Variants in SGSM2 observed in about 807,000 individuals in gnomAD.
SGSM2 encodes the protein RUN and TBC1 domain containing 1.
Under a neutral mutation model 126.6 loss-of-function variants are expected in SGSM2, and 89 were observed. The ratio of observed to expected loss-of-function variants is 0.70; its 90% CI spans 0.59 to 0.84. The LOEUF (loss-of-function observed/expected upper bound fraction) is 0.84, where lower values mean the gene tolerates loss of function less well. Ranked by LOEUF, SGSM2 falls within the 40% of genes least tolerant of loss-of-function variation. The probability of loss-of-function intolerance (pLI) is 0.00; values close to 1 mark genes in which losing one functional copy is unlikely to be tolerated. For missense variants in SGSM2, 1,404 were observed against 1,416.6 expected (o/e 0.99, Z 0.14); for synonymous variants, 614 against 574.3 (o/e 1.07, Z -0.99).
rs758060234 is a variant in SGSM2, at chr17:2,373,008, AGATCCGCAAG to A, written c.1847_1856del (p.Ile616ThrfsTer14). On this transcript the variant is annotated frameshift_variant, in exon 16 of 24. Coordinates refer to ENST00000268989, the MANE Select transcript of SGSM2 (RefSeq NM_014853.3). LOFTEE classifies it high-confidence loss of function. ...GTTTACTACGGAGGCATAGAGCACGAGATCCGCAAGGACGTCTGGCCCTTTCTGCTTGGCC... is the reference window on the plus strand; with the variant it reads ...GTTTACTACGGAGGCATAGAGCACGAGACGTCTGGCCCTTTCTGCTTGGCC... The A allele has an allele frequency of 6.3e-7, 1 of 1,598,468 alleles. No homozygotes were observed. The highest frequency in any genetic ancestry group is 1.1e-5 in the South Asian group (1 of 88,534).
chr17:2,368,819 G>A (rs1171661699), intron 12 of SGSM2, among the ~76,000 whole-genome samples: 1 of 152,236 alleles, frequency 6.6e-6, no homozygotes, highest in Non-Finnish European at 1.5e-5. Flanking sequence ...ACTGAGCAGT[G>A]TGGGAAGGTT....
In SGSM2 at chr17:2,364,592, C is replaced by G; in HGVS notation, c.933-4C>G. The G allele has an allele frequency of 6.2e-7, 1 of 1,614,156 alleles. No homozygotes were observed. Among genetic ancestry groups the G allele is most frequent in the Non-Finnish European group, 8.5e-7 (1 of 1,179,982 alleles). The stretch of plus-strand genomic sequence containing the variant: ...ACAGTGACAGCAGTCTGGTTCCTTT[C>G]TAGCGTTTACTGGGACTATGCCCTC... On this transcript the variant is annotated splice_region_variant and splice_polypyrimidine_tract_variant and intron_variant, in intron 8 of 23. Coordinates refer to ENST00000268989, the MANE Select transcript of SGSM2 (RefSeq NM_014853.3).
intron 2 of SGSM2, among the ~76,000 whole-genome samples, chr17:2,348,924 C>T (rs533568630): frequency 5.9e-5 from 9 of 152,090 alleles, no homozygotes; most frequent in South Asian, 2.1e-4. Context: ...CCACCACACT[C>T]GGCTACTTTT....
At chr17:2,366,063 T>C (rs926976818) in intron 11 of SGSM2, among the ~76,000 whole-genome samples, 1 of 152,064 alleles carries the variant, frequency 6.6e-6, no homozygotes, top group East Asian at 1.9e-4. Flanking sequence ...TTTTGGATGG[T>C]GAATATTGTC....
In SGSM2 at chr17:2,362,045, A is replaced by C. The variant is rs1197801690; in HGVS notation, c.297-64A>C. ...CTTGGGGTACCAAGCCCCACTCCCA[A>C]TGCCAGCATTCTGGGGTTTACCCCT... is the stretch of plus-strand genomic sequence containing the variant. On this transcript the variant is annotated intron_variant, in intron 3 of 23. Transcript: ENST00000268989. This position sits in a 1 kb window ranked among gnomAD's most constrained non-coding sequence, Gnocchi z 4.9. 6.5e-7 allele frequency: 1 copy of C among 1,545,390 alleles called. No homozygotes were observed. Among genetic ancestry groups the C allele is most frequent in the Admixed American group, 2.0e-5 (1 of 49,456 alleles).
intron 8 of SGSM2, 177 bp from the exon 9 acceptor site, chr17:2,364,419 T>C (rs1275765503): frequency 2.4e-6 from 2 of 816,640 alleles, no homozygotes; most frequent in Admixed American, 4.4e-5. Flanking sequence ...CGGACAGCTG[T>C]CCATGTGCCG....
At chr17:2,368,309 C>T (rs990186784) in intron 12 of SGSM2, among the ~76,000 whole-genome samples, 5 of 152,188 alleles carry the variant, frequency 3.3e-5, no homozygotes, top group Non-Finnish European at 1.5e-5. Context: ...AGCAATCAGC[C>T]AGGCGACCTG....
rs62067023 is a variant in SGSM2, at chr17:2,379,545, T to C, written c.*25T>C. ...AGCTGGGGCCAGGAGGCAGCAGCCG[T>C]GCAGAGCCTGGGCTCCGGCAGGGAG... On this transcript the variant is annotated 3_prime_UTR_variant, in exon 24 of 24. Coordinates refer to ENST00000268989, the MANE Select transcript of SGSM2 (RefSeq NM_014853.3). 98,876 of 1,602,266 alleles carry C rather than the reference T, an allele frequency of 0.062. 4,066 individuals are homozygous for C. The highest frequency in any genetic ancestry group is 0.16 in the African/African-American group (11,794 of 74,798).
chr17:2,376,519 G>T, intron 19 of SGSM2: 1 of 673,322 alleles, frequency 1.5e-6, no homozygotes, highest in Non-Finnish European at 2.5e-6. Context: ...CATACCAAGC[G>T]TGACGGCCTT....
chr17:2,360,673 C>G lies in SGSM2; in HGVS notation c.134-964C>G, dbSNP rs538672003. Among the ~76,000 whole-genome samples the G allele has an allele frequency of 4.0e-4, 61 of 152,370 alleles. 1 individual carries two copies. In the Middle Eastern group the frequency reaches 0.014, roughly 34 times the overall value. ...TGAGTCTCAGAGCAAGTGACCGTGC[C>G]AAGCTCAGACTTTGTTCTGTCTGAC... On this transcript the variant is annotated intron_variant, in intron 2 of 23. Coordinates refer to ENST00000268989, the MANE Select transcript of SGSM2 (RefSeq NM_014853.3).
intron 12 of SGSM2, among the ~76,000 whole-genome samples, chr17:2,369,754 A>C (rs1285517883): frequency 7.4e-5 from 9 of 121,932 alleles, no homozygotes; most frequent in East Asian, 2.4e-4. Flanking sequence ...GCCTCTTCCC[A>C]CCCCGGCTCC....
intron 2 of SGSM2, among the ~76,000 whole-genome samples, chr17:2,358,831 G>A (rs1161652315): frequency 9.3e-5 from 14 of 150,642 alleles, no homozygotes; most frequent in Admixed American, 5.3e-4. Context: ...CATTCAAATT[G>A]CTCCCAATAT....
At chr17:2,349,240 A>G (rs4790328) in intron 2 of SGSM2, among the ~76,000 whole-genome samples, 113,895 of 151,912 alleles carry the variant, frequency 0.75, 43,300 homozygotes, top group African/African-American at 0.86. Flanking sequence ...GCTGGGCATC[A>G]TGGTGCACGC....
chr17:2,357,326 A>T (rs1361328154), intron 2 of SGSM2, among the ~76,000 whole-genome samples: 2 of 152,132 alleles, frequency 1.3e-5, no homozygotes, highest in East Asian at 3.8e-4. Context: ...ACCTGGGCTC[A>T]GCTGGCCCAG....
chr17:2,375,361 A>T, intron 17 of SGSM2, 131 bp from the exon 18 acceptor site: 1 of 1,188,034 alleles, frequency 8.4e-7, no homozygotes, highest in East Asian at 2.6e-5. Context: ...CCGTGGCCAC[A>T]GTGTTGGAGG....
intron 2 of SGSM2, among the ~76,000 whole-genome samples, chr17:2,356,969 A>T (rs2065109264): frequency 1.3e-5 from 2 of 150,226 alleles, no homozygotes; most frequent in Admixed American, 6.6e-5. Context: ...ATTGGGGTGT[A>T]AGGGTTAGGG....
chr17:2,341,405 G>C (rs1003475606), intron 1 of SGSM2, among the ~76,000 whole-genome samples: 2 of 152,170 alleles, frequency 1.3e-5, no homozygotes, highest in Non-Finnish European at 1.5e-5. Flanking sequence ...TAACAGCTTA[G>C]AGTGCATTTG....
At chr17:2,346,574 G>A (rs919916869) in intron 2 of SGSM2, among the ~76,000 whole-genome samples, 9 of 152,276 alleles carry the variant, frequency 5.9e-5, no homozygotes, top group African/African-American at 2.2e-4. Flanking sequence ...AGTGTTTGCT[G>A]TGGTTGTTCC....
In SGSM2 at chr17:2,375,817, AG is replaced by A. The variant is rs1243838693; in HGVS notation, c.2428del (p.Ala810ProfsTer20). 1 of 1,554,686 alleles carries A rather than the reference AG, an allele frequency of 6.4e-7. No individual in the cohort carries two copies. Among genetic ancestry groups the A allele is most frequent in the Non-Finnish European group, 8.7e-7 (1 of 1,151,816 alleles). ...EPQDPSQEKP[Q>X]AGELEAGEEL... ...CAGGATCCCAGCCAGGAGAAGCCTCAGGCCGGAGAACTGGAGGCCGGAGAGG... is the reference window on the plus strand; with the variant it reads ...CAGGATCCCAGCCAGGAGAAGCCTCAGCCGGAGAACTGGAGGCCGGAGAGG... On this transcript the variant is annotated frameshift_variant, in exon 18 of 24. Transcript: ENST00000268989. LOFTEE classifies it high-confidence loss of function.
Sources: allele counts gnomAD v4.1 joint callset (sites outside exome capture counted in the v4.1 genomes callset), GRCh38; gene constraint gnomAD v4.1.1; non-coding constraint Gnocchi (gnomAD v3.1); transcripts MANE v1.5; gene names NCBI Gene and HGNC (gene_info 2026-07-23, HGNC 2026-07-21).